Variants in GXYLT1 observed in about 807,000 individuals in gnomAD.
GXYLT1 encodes the protein glycosyltransferase 8 domain containing 3.
GXYLT1 carries 29 observed loss-of-function variants against 54.0 expected under a neutral mutation model. That is an observed-to-expected ratio of 0.54 (90% CI 0.40 to 0.73). GXYLT1 has a LOEUF of 0.73. GXYLT1 is among the 30% of genes least tolerant of loss of function. GXYLT1 has a pLI of 0.00. For missense variants in GXYLT1, 490 were observed against 553.4 expected (o/e 0.89, Z 1.15); for synonymous variants, 176 against 204.1 (o/e 0.86, Z 1.17).
intron 3 of GXYLT1, among the ~76,000 whole-genome samples, chr12:42,113,752 T>G (rs1477626161): frequency 5.3e-5 from 8 of 150,862 alleles, no homozygotes; most frequent in Admixed American, 5.3e-4. Flanking sequence ...TACCCAGGAA[T>G]TGAACTCAGC....
At chr12:42,099,396 A>G (rs2136882326) in intron 5 of GXYLT1, among the ~76,000 whole-genome samples, 1 of 152,296 alleles carries the variant, frequency 6.6e-6, no homozygotes, top group South Asian at 2.1e-4. Flanking sequence ...TATATCCTTA[A>G]TGTTTATAGT....
chr12:42,111,343 C>G (rs1052699860), intron 3 of GXYLT1, among the ~76,000 whole-genome samples: 2 of 152,204 alleles, frequency 1.3e-5, no homozygotes, highest in African/African-American at 2.4e-5. Flanking sequence ...TCGCCTCACC[C>G]GGGAAGAGCA....
chr12:42,098,316 A>C (rs2065368904), intron 5 of GXYLT1, among the ~76,000 whole-genome samples: 1 of 152,202 alleles, frequency 6.6e-6, no homozygotes, highest in Non-Finnish European at 1.5e-5. Flanking sequence ...TAGTTTTGGT[A>C]CCTACGTCTG....
At chr12:42,131,883 TAC>T (rs1485303721) in intron 1 of GXYLT1, among the ~76,000 whole-genome samples, 1 of 152,216 alleles carries the variant, frequency 6.6e-6, no homozygotes, top group Non-Finnish European at 1.5e-5. Flanking sequence ...GTCTTTCAGA[TAC>T]AGATGATAGC....
At chr12:42,109,499 A>G (rs1247370348) in intron 4 of GXYLT1, 67 bp downstream of exon 4, 7 of 1,086,452 alleles carry the variant, frequency 6.4e-6, no homozygotes, top group East Asian at 3.2e-5. Context: ...TCAGAGACTC[A>G]TGTGTAAAAG....
chr12:42,136,791 CAA>C (rs1212733573), intron 1 of GXYLT1, among the ~76,000 whole-genome samples: 1 of 152,066 alleles, frequency 6.6e-6, no homozygotes. Context: ...TACATACAAA[CAA>C]ACACACACAC....
chr12:42,096,423 GC>G (rs1240520197), intron 7 of GXYLT1, among the ~76,000 whole-genome samples: 1 of 152,094 alleles, frequency 6.6e-6, no homozygotes, highest in African/African-American at 2.4e-5. Context: ...AGCCAATGGG[GC>G]TCCCAATGGC....
At chr12:42,119,773 A>T (rs972579395) in intron 2 of GXYLT1, among the ~76,000 whole-genome samples, 1 of 152,138 alleles carries the variant, frequency 6.6e-6, no homozygotes, top group African/African-American at 2.4e-5. Flanking sequence ...GTGCCACTTT[A>T]CTCCAGACAG....
chr12:42,144,717 C>T lies in GXYLT1; in HGVS notation c.-71G>A. 1 of 1,193,088 alleles carries T rather than the reference C, an allele frequency of 8.4e-7. No individual in the cohort carries two copies. The highest frequency in any genetic ancestry group is 1.1e-6 in the Non-Finnish European group (1 of 924,170). 73.9% of individuals were successfully genotyped at this position (1,193,088 alleles called of 1,614,324 possible). On this transcript the variant is annotated 5_prime_UTR_variant, in exon 1 of 8. Coordinates refer to ENST00000398675, the MANE Select transcript of GXYLT1 (RefSeq NM_173601.2). The stretch of plus-strand genomic sequence containing the variant: ...CGACGAACTGGAGCGGAGGGAGGGG[C>T]ACCGCGCAGCCGCGGGCGCAACAAG...
chr12:42,111,501 G>C (rs996343526), intron 3 of GXYLT1, among the ~76,000 whole-genome samples: 3 of 152,256 alleles, frequency 2.0e-5, no homozygotes, highest in Admixed American at 1.3e-4. Flanking sequence ...CTGGCTCAGA[G>C]GGTCCTATGC....
intron 7 of GXYLT1, among the ~76,000 whole-genome samples, chr12:42,095,261 T>C (rs560932134): frequency 1.9e-4 from 29 of 152,176 alleles, no homozygotes; most frequent in Non-Finnish European, 3.5e-4. Flanking sequence ...ATCCCACTTC[T>C]AGGAATTTAC....
chr12:42,120,938 T>C (rs1401116694), intron 2 of GXYLT1, among the ~76,000 whole-genome samples: 2 of 152,186 alleles, frequency 1.3e-5, no homozygotes, highest in African/African-American at 4.8e-5. Flanking sequence ...TGCCCTCTTT[T>C]GTGCTGAGCC....
At chr12:42,097,207 T>C (rs1312784238) in intron 7 of GXYLT1, among the ~76,000 whole-genome samples, 1 of 151,856 alleles carries the variant, frequency 6.6e-6, no homozygotes, top group Non-Finnish European at 1.5e-5. Flanking sequence ...TAAAAGAACT[T>C]AATGTATGCA....
chr12:42,136,751 T>TATACATAC (rs58827513), intron 1 of GXYLT1, among the ~76,000 whole-genome samples: 11,960 of 147,324 alleles, frequency 0.081, 787 homozygotes, highest in African/African-American at 0.18. Flanking sequence ...GGAGGTTTTT[T>TATACATAC]ATACATACAT....
chr12:42,099,241 C>T (rs2065375823), intron 5 of GXYLT1, among the ~76,000 whole-genome samples: 2 of 152,168 alleles, frequency 1.3e-5, no homozygotes, highest in South Asian at 2.1e-4. Flanking sequence ...AACTAATTGG[C>T]ATATCAACAC....
intron 7 of GXYLT1, among the ~76,000 whole-genome samples, chr12:42,090,679 C>T (rs2097226079): frequency 6.6e-6 from 1 of 152,162 alleles, no homozygotes; most frequent in Non-Finnish European, 1.5e-5. Context: ...AATGGCAGTT[C>T]AATCCAACAA....
intron 1 of GXYLT1, among the ~76,000 whole-genome samples, chr12:42,143,795 T>A (rs759981988): frequency 2.0e-5 from 3 of 152,192 alleles, no homozygotes; most frequent in South Asian, 4.1e-4. Flanking sequence ...CTCCATCCCA[T>A]CCAACAACAG....
intron 2 of GXYLT1, among the ~76,000 whole-genome samples, chr12:42,120,733 A>G (rs530149719): frequency 4.6e-5 from 7 of 152,056 alleles, no homozygotes; most frequent in Admixed American, 3.9e-4. Flanking sequence ...ATGGGGTCTC[A>G]CTATGTTGCC....
chr12:42,131,264 T>C (rs1318374451), intron 1 of GXYLT1, among the ~76,000 whole-genome samples: 2 of 152,222 alleles, frequency 1.3e-5, no homozygotes, highest in East Asian at 3.9e-4. Flanking sequence ...CACTTCATTA[T>C]CTCATCACTA....
Sources: gnomAD v4.1 joint callset for allele counts (sites outside exome capture counted in the v4.1 genomes callset) on GRCh38, gnomAD v4.1.1 for gene constraint, MANE v1.5 for transcripts, NCBI Gene and HGNC (gene_info 2026-07-23, HGNC 2026-07-21) for gene names.